Variants in AMMECR1 observed in about 807,000 individuals in gnomAD.
AMMECR1 encodes AMMECR nuclear protein 1.
A neutral mutation model predicts 22.5 loss-of-function variants in AMMECR1; 3 were observed. The ratio of observed to expected loss-of-function variants is 0.13; its 90% confidence interval spans 0.06 to 0.35. The LOEUF (loss-of-function observed/expected upper bound fraction) is 0.35, where lower values mean the gene tolerates loss of function less well. Ranked by LOEUF, AMMECR1 falls within the 10% of genes least tolerant of loss-of-function variation. The pLI, the probability that AMMECR1 is intolerant of heterozygous loss-of-function variation, is 1.00. For synonymous variants in AMMECR1, 130 were observed against 116.7 expected (o/e 1.11, Z -0.74); for missense variants, 235 against 278.7 (o/e 0.84, Z 1.12).
At chrX:110,429,073 G>A (rs1219639201) in intron 1 of AMMECR1, among the ~76,000 whole-genome samples, 1 of 111,629 alleles carries the variant, frequency 9.0e-6, no homozygotes, top group Non-Finnish European at 1.9e-5. Context: ...TGTCTTCCCT[G>A]TAGATCCACC....
At position 110,202,451 on chromosome X, in the gene AMMECR1, T is replaced by C; in HGVS notation, c.785A>G (p.Glu262Gly). The C allele has an allele frequency of 8.3e-7, 1 of 1,202,140 alleles. No individual in the cohort carries two copies. The highest frequency in any genetic ancestry group is 1.7e-5 in the African/African-American group (1 of 57,641). Residue 262 changes from glutamate (E) to glycine (G), a missense_variant, in exon 4 of 6, where the codon GAG becomes GGG. This residue lies in a region of AMMECR1 where 111 missense variants were observed against 181.7 expected (regional missense o/e 0.61). Transcript: ENST00000262844. ...AAATAAAGTACAACAATGACCTTGC[T>C]CCTTTGCAACCTCCGGTAGGTAGGT... ...TATYLPEVAKEQGWDHIQTID... is the reference protein window; with the variant it reads ...TATYLPEVAKGQGWDHIQTID...
chrX:110,398,754 T>C (rs1301905942), intron 2 of AMMECR1, among the ~76,000 whole-genome samples: 2 of 112,319 alleles, frequency 1.8e-5, no homozygotes, highest in African/African-American at 6.5e-5. Flanking sequence ...CATAGTTGGG[T>C]TGTAAACATT....
chrX:110,252,487 C>T (rs906710149), intron 2 of AMMECR1, among the ~76,000 whole-genome samples: 4 of 110,931 alleles, frequency 3.6e-5, no homozygotes, highest in African/African-American at 6.6e-5. Flanking sequence ...TCTATTTTTG[C>T]GAGTATTTAA....
At chrX:110,357,519 C>T (rs367620916) in intron 2 of AMMECR1, among the ~76,000 whole-genome samples, 1 of 112,106 alleles carries the variant, frequency 8.9e-6, no homozygotes, top group Non-Finnish European at 1.9e-5. Context: ...GATGTGTAAA[C>T]CAAAAATAAT....
intron 2 of AMMECR1, among the ~76,000 whole-genome samples, chrX:110,415,839 C>A (rs2068673582): frequency 9.0e-6 from 1 of 111,102 alleles, no homozygotes; most frequent in Admixed American, 9.5e-5. Flanking sequence ...AGTGGGGAAA[C>A]TGATTGTCCA....
chrX:110,298,945 A>T (rs1306323088), intron 1 of AMMECR1, among the ~76,000 whole-genome samples: 5 of 112,246 alleles, frequency 4.5e-5, no homozygotes, highest in Admixed American at 3.8e-4. Flanking sequence ...CCGCAATTTC[A>T]GGAATTTATA....
intron 2 of AMMECR1, among the ~76,000 whole-genome samples, chrX:110,326,882 AAGG>A (rs1306024152): frequency 8.2e-4 from 92 of 111,801 alleles, no homozygotes; most frequent in African/African-American, 2.6e-3. Context: ...GATAAAAAGA[AAGG>A]AGAATTTCCA....
chrX:110,331,671 T>G (rs2068121370), intron 2 of AMMECR1, among the ~76,000 whole-genome samples: 1 of 111,642 alleles, frequency 9.0e-6, no homozygotes, highest in South Asian at 3.8e-4. Context: ...TGTTCTGATC[T>G]TATCATTTTC....
At chrX:110,227,073 T>G (rs1308525172) in intron 2 of AMMECR1, among the ~76,000 whole-genome samples, 1 of 112,115 alleles carries the variant, frequency 8.9e-6, no homozygotes, top group African/African-American at 3.2e-5. Context: ...GTACTAGTTT[T>G]GGACATATCT....
chrX:110,245,175 G>A (rs1316484365), intron 2 of AMMECR1, among the ~76,000 whole-genome samples: 1 of 112,093 alleles, frequency 8.9e-6, no homozygotes. Context: ...CTGAAGGGCT[G>A]AGTAGATGTG....
intron 2 of AMMECR1, among the ~76,000 whole-genome samples, chrX:110,349,862 G>A (rs1239093974): frequency 9.0e-6 from 1 of 111,627 alleles, no homozygotes; most frequent in African/African-American, 3.3e-5. Flanking sequence ...AATGAACCCA[G>A]GCAGTCTTAT....
upstream of AMMECR1, among the ~76,000 whole-genome samples, chrX:110,319,287 A>G (rs900398875): frequency 1.8e-5 from 2 of 112,512 alleles, no homozygotes; most frequent in Non-Finnish European, 3.8e-5. Context: ...TATCTACACC[A>G]TGCTAAAACA....
At chrX:110,201,361 G>A (rs1197934705) in intron 4 of AMMECR1, among the ~76,000 whole-genome samples, 1 of 111,809 alleles carries the variant, frequency 8.9e-6, no homozygotes, top group Non-Finnish European at 1.9e-5. Flanking sequence ...AACCATATCT[G>A]TTGTACTTTC....
intron 2 of AMMECR1, among the ~76,000 whole-genome samples, chrX:110,386,747 T>G (rs777442621): frequency 7.1e-5 from 8 of 112,185 alleles, no homozygotes; most frequent in Non-Finnish European, 1.3e-4. Flanking sequence ...ATGCACCCTA[T>G]GGTACACTAC....
At chrX:110,203,825 A>C (rs1426715127) in intron 3 of AMMECR1, among the ~76,000 whole-genome samples, 5 of 111,839 alleles carry the variant, frequency 4.5e-5, no homozygotes, top group Non-Finnish European at 9.4e-5. Flanking sequence ...AATCCATTTC[A>C]TCTTTCCCCA....
At chrX:110,215,114 T>A (rs933158965) in intron 3 of AMMECR1, among the ~76,000 whole-genome samples, 4 of 112,070 alleles carry the variant, frequency 3.6e-5, no homozygotes, top group Non-Finnish European at 7.5e-5. Flanking sequence ...TACAAAAGGT[T>A]TTCTACATTC....
intron 2 of AMMECR1, among the ~76,000 whole-genome samples, chrX:110,261,581 T>C (rs2067741926): frequency 9.0e-6 from 1 of 111,578 alleles, no homozygotes; most frequent in Non-Finnish European, 1.9e-5. Flanking sequence ...TATTGTTTTG[T>C]AATAAGCTTT....
At chrX:110,420,031 AG>A (rs2148319599) in intron 2 of AMMECR1, among the ~76,000 whole-genome samples, 2 of 111,680 alleles carry the variant, frequency 1.8e-5, no homozygotes, top group East Asian at 5.7e-4. Context: ...TCACACAGCT[AG>A]CAAGAGACAG....
At chrX:110,223,443 C>T (rs1399004986) in intron 2 of AMMECR1, among the ~76,000 whole-genome samples, 1 of 111,537 alleles carries the variant, frequency 9.0e-6, no homozygotes, top group African/African-American at 3.3e-5. Flanking sequence ...ACAGTGCTCT[C>T]GAGGCCTTGG....
Sources: gnomAD v4.1 joint callset for allele counts (sites outside exome capture counted in the v4.1 genomes callset) on GRCh38, gnomAD v4.1.1 for gene constraint, gnomAD v4.1.1 regional missense constraint, MANE v1.5 for transcripts, NCBI Gene and HGNC (gene_info 2026-07-23, HGNC 2026-07-21) for gene names.